Variants in PDE1C observed in about 807,000 individuals in gnomAD.
PDE1C encodes the protein dual specificity calcium/calmodulin-dependent 3',5'-cyclic nucleotide phosphodiesterase 1C.
Under a neutral mutation model 93.1 loss-of-function variants are expected in PDE1C, and 62 were observed. The observed-to-expected ratio is 0.67, with a 90% confidence interval of 0.54 to 0.82. The LOEUF (loss-of-function observed/expected upper bound fraction) is 0.82, where lower values mean the gene tolerates loss of function less well. Among genes scored for constraint, PDE1C ranks in the 40% least tolerant of loss-of-function variants. The probability of loss-of-function intolerance (pLI) is 0.00; values close to 1 mark genes in which losing one functional copy is unlikely to be tolerated. For missense variants in PDE1C, 742 were observed against 884.6 expected, an observed-to-expected ratio of 0.84 and a Z score of 2.04; for synonymous variants, 325 against 310.1, an observed-to-expected ratio of 1.05 and a Z score of -0.50.
intron 3 of PDE1C, among the ~76,000 whole-genome samples, chr7:32,165,799 G>A (rs866324215): frequency 3.9e-5 from 6 of 152,088 alleles, no homozygotes; most frequent in African/African-American, 9.7e-5. Context: ...AAATACTCTC[G>A]AGTTCAAAGG....
At chr7:32,384,473 T>G (rs1017463802) in intron 1 of PDE1C, among the ~76,000 whole-genome samples, 1 of 152,154 alleles carries the variant, frequency 6.6e-6, no homozygotes, top group Non-Finnish European at 1.5e-5. Flanking sequence ...CGGTGACAGA[T>G]TTCCTTTAGA....
chr7:32,202,363 A>G (rs1860221), intron 2 of PDE1C, among the ~76,000 whole-genome samples: 32,817 of 152,008 alleles, frequency 0.22, 4,261 homozygotes, highest in Admixed American at 0.34. Flanking sequence ...CTCTGACCAC[A>G]ACCACCAATG....
chr7:31,633,720 C>G, the PDE1C span, among the ~76,000 whole-genome samples: 1 of 152,204 alleles, frequency 6.6e-6, no homozygotes, highest in Non-Finnish European at 1.5e-5. Context: ...CACCACAGAG[C>G]TGTCACAGAA....
In PDE1C at chr7:32,141,948, C is replaced by G. The variant is rs142331586; in HGVS notation, c.308+27837G>C. Among the ~76,000 whole-genome samples the G allele has an allele frequency of 4.8e-3, 725 of 151,400 alleles. 9 individuals are homozygous for G. The highest frequency in any genetic ancestry group is 4.2e-3 in the Non-Finnish European group (287 of 68,000). On this transcript the variant is annotated intron_variant, in intron 3 of 18. Transcript: ENST00000396193. Reference sequence around the variant, plus strand: ...AAATAAAAAGTTTATTTAACACCCACCCCCCAAAAAATAATAGAAGGAAAT... The same window carrying G: ...AAATAAAAAGTTTATTTAACACCCAGCCCCCAAAAAATAATAGAAGGAAAT...
chr7:32,426,576 G>T (rs1785539483), intron 1 of PDE1C, among the ~76,000 whole-genome samples: 2 of 152,112 alleles, frequency 1.3e-5, no homozygotes, highest in African/African-American at 4.8e-5. Context: ...AGAGCAGATT[G>T]TACACGCTTA....
In PDE1C at chr7:32,377,034, T is replaced by C. The variant is rs150961411; in HGVS notation, c.310+50788A>G. Among the ~76,000 whole-genome samples, 1,065 of 152,156 alleles carry C rather than the reference T, an allele frequency of 7.0e-3. 5 individuals carry two copies. Among genetic ancestry groups the C allele is most frequent in the African/African-American group, 0.024 (1,002 of 41,520 alleles). Reference sequence around the variant, plus strand: ...AGTAACCCAACCCATCCCTCCACCATGTGTACTCCCAAGGACCCAGGTAGG... The same window carrying C: ...AGTAACCCAACCCATCCCTCCACCACGTGTACTCCCAAGGACCCAGGTAGG... On this transcript the variant is annotated intron_variant, in intron 1 of 1. Transcript: ENST00000672256.
intron 2 of PDE1C, among the ~76,000 whole-genome samples, chr7:32,030,666 A>C (rs1300500577): frequency 6.6e-6 from 1 of 152,130 alleles, no homozygotes; most frequent in Non-Finnish European, 1.5e-5. Context: ...GCAGGGCATA[A>C]AACTTAGGAA....
chr7:32,301,912 T>A (rs1485343944), upstream of PDE1C, among the ~76,000 whole-genome samples: 2 of 152,230 alleles, frequency 1.3e-5, no homozygotes, highest in Non-Finnish European at 2.9e-5. Context: ...AGCTTTTATA[T>A]TTTTAAGTGA....
In PDE1C at chr7:32,110,761, A is replaced by G. The variant is rs566447923; in HGVS notation, c.308+59024T>C. ...AATTCTCCTTGAACTCCCCAGAGAA[A>G]TTTCAAAAACTCCAGAGCAGCTCTG... On this transcript the variant is annotated intron_variant, in intron 3 of 18. Transcript: ENST00000396193. 1.3e-3 allele frequency among the ~76,000 whole-genome samples: 196 copies of G among 152,330 alleles called. 4 individuals are homozygous for G. The South Asian group carries it at 0.039, about 30-fold the overall frequency.
intron 1 of PDE1C, among the ~76,000 whole-genome samples, chr7:32,283,643 G>A (rs1268545390): frequency 1.3e-5 from 2 of 152,194 alleles, no homozygotes; most frequent in African/African-American, 4.8e-5. Context: ...ATCACCCTGA[G>A]GGACACTTTC....
chr7:32,360,420 T>G (rs1227807632), intron 1 of PDE1C, among the ~76,000 whole-genome samples: 1 of 152,240 alleles, frequency 6.6e-6, no homozygotes, highest in African/African-American at 2.4e-5. Context: ...TTTTTCCTCC[T>G]TTGCCTCAAG....
At chr7:32,051,524 A>G in intron 2 of PDE1C, 30 bp downstream of exon 2, 1 of 1,610,838 alleles carries the variant, frequency 6.2e-7, no homozygotes, top group Non-Finnish European at 8.5e-7. Flanking sequence ...AAATGAATCA[A>G]CCAGTTGCAG....
chr7:32,048,691 A>G (rs1792932587), intron 2 of PDE1C, among the ~76,000 whole-genome samples: 1 of 152,160 alleles, frequency 6.6e-6, no homozygotes, highest in African/African-American at 2.4e-5. Context: ...CAAAATTATG[A>G]GCAGAATAAA....
At chr7:32,090,766 A>G (rs1228303975) in intron 3 of PDE1C, among the ~76,000 whole-genome samples, 2 of 152,192 alleles carry the variant, frequency 1.3e-5, no homozygotes, top group African/African-American at 2.4e-5. Flanking sequence ...TGATTTGCAT[A>G]TATTTTAGGA....
rs536547175 is a variant in PDE1C at position 32,194,982 on chromosome 7, C to T, written c.136+14507G>A. On this transcript the variant is annotated intron_variant, in intron 2 of 18. Transcript: ENST00000396193. ...ACACTATATATACATAAATAACTTA[C>T]CAAAGTCTTCTGATGTTATCATTTT... 4.6e-5 allele frequency among the ~76,000 whole-genome samples: 7 copies of T among 152,236 alleles called. No homozygotes were observed. In the South Asian group the frequency reaches 1.2e-3, roughly 27 times the overall value.
chr7:32,118,716 C>A (rs1799126588), intron 3 of PDE1C, among the ~76,000 whole-genome samples: 1 of 152,126 alleles, frequency 6.6e-6, no homozygotes, highest in East Asian at 1.9e-4. Context: ...CCAGCCTACT[C>A]CCAAGAGAAC....
the PDE1C span, among the ~76,000 whole-genome samples, chr7:31,702,212 T>A: frequency 6.6e-6 from 1 of 152,118 alleles, no homozygotes; most frequent in Non-Finnish European, 1.5e-5. Flanking sequence ...TATTTATTTT[T>A]TTTTTTGCCT....
intron 1 of PDE1C, among the ~76,000 whole-genome samples, chr7:32,211,653 G>A (rs1806041665): frequency 6.6e-6 from 1 of 152,040 alleles, no homozygotes; most frequent in African/African-American, 2.4e-5. Context: ...GTCCCAGTTA[G>A]GTATAGACAT....
intron 1 of PDE1C, among the ~76,000 whole-genome samples, chr7:32,230,057 A>G (rs1323930667): frequency 6.6e-6 from 1 of 152,180 alleles, no homozygotes; most frequent in Non-Finnish European, 1.5e-5. Flanking sequence ...CCGGAATAGA[A>G]AAGAACATTC....
Sources: allele counts gnomAD v4.1 joint callset (sites outside exome capture counted in the v4.1 genomes callset), GRCh38; gene constraint gnomAD v4.1.1; transcripts MANE v1.5; gene names NCBI Gene and HGNC (gene_info 2026-07-23, HGNC 2026-07-21).